The following SLC10A7 variants were observed in gnomAD, a reference collection of about 807,000 sequenced individuals.
SLC10A7 encodes the protein solute carrier family 10 member 7.
In SLC10A7, 29 loss-of-function variants were observed where a neutral mutation model predicts 43.2. The observed-to-expected ratio is 0.67, with a 90% CI of 0.50 to 0.92. The LOEUF is 0.92. Ranked by LOEUF, SLC10A7 falls within the 40% of genes least tolerant of loss-of-function variation. SLC10A7 has a pLI of 0.00. For synonymous variants in SLC10A7, 152 were observed against 144.8 expected (o/e 1.05, Z -0.35); for missense variants, 295 against 403.2 (o/e 0.73, Z 2.30).
intron 5 of SLC10A7, among the ~76,000 whole-genome samples, chr4:146,411,613 G>A (rs1231992248): frequency 6.6e-6 from 1 of 152,118 alleles, no homozygotes; most frequent in East Asian, 1.9e-4. Flanking sequence ...ATGTTTGAAG[G>A]AGAGTAATGT....
intron 4 of SLC10A7, among the ~76,000 whole-genome samples, chr4:146,485,172 T>C (rs147570437): frequency 6.6e-6 from 1 of 152,348 alleles, no homozygotes; most frequent in East Asian, 1.9e-4. Context: ...GAATTATTTG[T>C]ACAGAGTCAC....
At chr4:146,468,415 A>C (rs998939556) in intron 4 of SLC10A7, among the ~76,000 whole-genome samples, 1 of 152,068 alleles carries the variant, frequency 6.6e-6, no homozygotes, top group Non-Finnish European at 1.5e-5. Context: ...AGGGATGGAC[A>C]TGAGGGCATG....
At chr4:146,343,147 T>G (rs1412010554) in intron 5 of SLC10A7, among the ~76,000 whole-genome samples, 1 of 152,064 alleles carries the variant, frequency 6.6e-6, no homozygotes, top group Non-Finnish European at 1.5e-5. Context: ...TAATTATACA[T>G]CCTTGTCAAA....
intron 5 of SLC10A7, among the ~76,000 whole-genome samples, chr4:146,358,705 C>T (rs1735833262): frequency 6.6e-6 from 1 of 152,094 alleles, no homozygotes; most frequent in African/African-American, 2.4e-5. Flanking sequence ...AGCAGTAGCT[C>T]AGCTTTTCCA....
rs181482562 is a variant in SLC10A7 at position 146,520,026 on chromosome 4, C to T, written c.100+1592G>A. Among the ~76,000 whole-genome samples, 212 of 152,222 alleles carry T rather than the reference C, an allele frequency of 1.4e-3. 1 individual carries two copies. Among genetic ancestry groups the T allele is most frequent in the South Asian group, 2.1e-4 (1 of 4,820 alleles). ...TCTCATACATGCCACTGCAGAAAAGCCCCACGGAAATGATTCAGCATTCAA... is the reference window on the plus strand; with the variant it reads ...TCTCATACATGCCACTGCAGAAAAGTCCCACGGAAATGATTCAGCATTCAA... On this transcript the variant is annotated intron_variant, in intron 1 of 11. Transcript: ENST00000335472.
At chr4:146,489,631 G>A (rs1579319783) in intron 4 of SLC10A7, among the ~76,000 whole-genome samples, 1 of 152,108 alleles carries the variant, frequency 6.6e-6, no homozygotes. Flanking sequence ...ACTGCCCACG[G>A]GTTAAAAGTG....
chr4:146,392,558 T>C (rs561663224), intron 5 of SLC10A7, among the ~76,000 whole-genome samples: 1 of 152,262 alleles, frequency 6.6e-6, no homozygotes, highest in South Asian at 2.1e-4. Context: ...TCAGATTTAC[T>C]GAAAAACAAA....
intron 4 of SLC10A7, among the ~76,000 whole-genome samples, chr4:146,453,035 G>A (rs1246683167): frequency 2.0e-5 from 3 of 149,752 alleles, no homozygotes; most frequent in Non-Finnish European, 4.4e-5. Context: ...GTGTGTGTGT[G>A]TATATATATA....
chr4:146,375,642 A>G (rs1383334855), intron 5 of SLC10A7, among the ~76,000 whole-genome samples: 1 of 151,998 alleles, frequency 6.6e-6, no homozygotes. Flanking sequence ...TATTTCGTTC[A>G]TTTTTTTATT....
intron 10 of SLC10A7, among the ~76,000 whole-genome samples, chr4:146,272,537 T>C (rs192749119): frequency 2.6e-5 from 4 of 152,280 alleles, no homozygotes; most frequent in Admixed American, 2.0e-4. Context: ...CAAAGAAGCA[T>C]GGAGCGGGCT....
intron 5 of SLC10A7, among the ~76,000 whole-genome samples, chr4:146,411,904 A>G (rs1248715968): frequency 6.6e-6 from 1 of 152,198 alleles, no homozygotes; most frequent in Non-Finnish European, 1.5e-5. Flanking sequence ...AAGAAGGGAA[A>G]TAACAGTTTA....
chr4:146,398,878 T>TGGTTC (rs1247059777), intron 5 of SLC10A7, among the ~76,000 whole-genome samples: 1 of 152,160 alleles, frequency 6.6e-6, no homozygotes, highest in Non-Finnish European at 1.5e-5. Flanking sequence ...ATTCTACAGA[T>TGGTTC]ATTTAGCACA....
At chr4:146,489,140 G>C (rs72731809) in intron 4 of SLC10A7, among the ~76,000 whole-genome samples, 2,538 of 152,320 alleles carry the variant, frequency 0.017, 38 homozygotes, top group Non-Finnish European at 0.027. Context: ...CCTGAAAGGA[G>C]GCTTCCAGTC....
chr4:146,354,764 C>G (rs1735441969), intron 5 of SLC10A7, among the ~76,000 whole-genome samples: 2 of 147,092 alleles, frequency 1.4e-5, no homozygotes, highest in African/African-American at 5.1e-5. Context: ...CTTTGACAAA[C>G]CTGAGAAAAA....
chr4:146,329,953 G>C (rs1237148779), intron 5 of SLC10A7, among the ~76,000 whole-genome samples: 1 of 152,162 alleles, frequency 6.6e-6, no homozygotes, highest in East Asian at 1.9e-4. Flanking sequence ...AGCACTTCTA[G>C]CAAAAGATGT....
At chr4:146,454,150 G>T (rs1277554658) in intron 4 of SLC10A7, among the ~76,000 whole-genome samples, 1 of 151,820 alleles carries the variant, frequency 6.6e-6, no homozygotes, top group Non-Finnish European at 1.5e-5. Flanking sequence ...GTTCTGGGAA[G>T]AAATTTGTTA....
At chr4:146,494,331 C>G (rs775563451) in intron 4 of SLC10A7, among the ~76,000 whole-genome samples, 1 of 152,190 alleles carries the variant, frequency 6.6e-6, no homozygotes, top group Non-Finnish European at 1.5e-5. Flanking sequence ...GGCGGCCTAT[C>G]AGCAAAGGTG....
At chr4:146,386,212 T>C (rs540137224) in intron 5 of SLC10A7, among the ~76,000 whole-genome samples, 2 of 152,188 alleles carry the variant, frequency 1.3e-5, no homozygotes, top group Admixed American at 6.5e-5. Context: ...TGTTTAAGAA[T>C]TCCTTTTTCT....
At chr4:146,433,023 G>A (rs942729732) in intron 5 of SLC10A7, among the ~76,000 whole-genome samples, 3 of 149,660 alleles carry the variant, frequency 2.0e-5, no homozygotes, top group Non-Finnish European at 4.4e-5. Flanking sequence ...GGGTGACAGA[G>A]CAAGACTCTG....
Sources: gnomAD v4.1 joint callset for allele counts (sites outside exome capture counted in the v4.1 genomes callset) on GRCh38, gnomAD v4.1.1 for gene constraint, MANE v1.5 for transcripts, NCBI Gene and HGNC (gene_info 2026-07-23, HGNC 2026-07-21) for gene names.